Variants in SSBP2 observed in about 807,000 individuals in gnomAD.
The protein encoded by SSBP2 is single stranded DNA binding protein 2, also known as single-stranded DNA-binding protein 2.
SSBP2 carries 17 observed loss-of-function variants against 61.8 expected under a neutral mutation model. The observed-to-expected ratio is 0.28, with a 90% CI of 0.19 to 0.41. The LOEUF (loss-of-function observed/expected upper bound fraction) is 0.41, where lower values mean the gene tolerates loss of function less well. Ranked by LOEUF, SSBP2 falls within the 10% of genes least tolerant of loss-of-function variation. SSBP2 has a pLI of 1.00. For missense variants in SSBP2, 310 were observed against 458.7 expected (o/e 0.68, Z 2.96); for synonymous variants, 139 against 141.3 (o/e 0.98, Z 0.12).
At chr5:81,482,142 C>T (rs1354084462) in intron 6 of SSBP2, among the ~76,000 whole-genome samples, 1 of 152,032 alleles carries the variant, frequency 6.6e-6, no homozygotes, top group Non-Finnish European at 1.5e-5. Context: ...TGGGGTTTCA[C>T]CATGTTGGCC....
intron 4 of SSBP2, among the ~76,000 whole-genome samples, chr5:81,597,130 G>C (rs941186472): frequency 1.4e-4 from 22 of 152,080 alleles, no homozygotes; most frequent in African/African-American, 3.4e-4. Context: ...GGGCTAATAT[G>C]CAGAATCTAC....
At chr5:81,682,813 T>C (rs1406913508) in intron 1 of SSBP2, among the ~76,000 whole-genome samples, 3 of 152,082 alleles carry the variant, frequency 2.0e-5, no homozygotes, top group South Asian at 2.1e-4. Context: ...TAAACAATTA[T>C]AGTAAGTTTG....
At chr5:81,581,346 G>C (rs1414578388) in intron 4 of SSBP2, among the ~76,000 whole-genome samples, 2 of 152,162 alleles carry the variant, frequency 1.3e-5, no homozygotes, top group East Asian at 3.9e-4. Context: ...ATGTAGAATG[G>C]AGGTGTTTGA....
intron 4 of SSBP2, among the ~76,000 whole-genome samples, chr5:81,548,976 A>G (rs1355778022): frequency 6.6e-6 from 1 of 152,216 alleles, no homozygotes; most frequent in Non-Finnish European, 1.5e-5. Context: ...CTGAAATTTT[A>G]TACATATTTA....
chr5:81,546,220 A>G (rs1038388626), intron 4 of SSBP2, among the ~76,000 whole-genome samples: 1 of 152,218 alleles, frequency 6.6e-6, no homozygotes, highest in African/African-American at 2.4e-5. Context: ...GCTATGCCAC[A>G]CATAACTTTA....
At chr5:81,599,550 T>G (rs1744137035) in intron 4 of SSBP2, among the ~76,000 whole-genome samples, 1 of 152,216 alleles carries the variant, frequency 6.6e-6, no homozygotes. Flanking sequence ...TGATTGAGAT[T>G]GATTTTCCTT....
intron 10 of SSBP2, among the ~76,000 whole-genome samples, chr5:81,456,335 G>T (rs1165891625): frequency 6.9e-6 from 1 of 144,274 alleles, no homozygotes; most frequent in African/African-American, 2.5e-5. Context: ...ATTTTCTTTA[G>T]TAAACTATTT....
chr5:81,616,832 G>A (rs1259319021), intron 3 of SSBP2, among the ~76,000 whole-genome samples: 1 of 152,134 alleles, frequency 6.6e-6, no homozygotes, highest in African/African-American at 2.4e-5. Context: ...GCACCCCCCA[G>A]CAGGGGCAGA....
At position 81,611,865 on chromosome 5, in the gene SSBP2, C is replaced by G. The variant is rs531371816; in HGVS notation, c.282+3608G>C. ...TATTTCTTCATGGATTTCAGAAATC[C>G]ATATCTATGTAAAATTCTAGTCTTA... is the stretch of plus-strand genomic sequence containing the variant. On this transcript the variant is annotated intron_variant, in intron 4 of 16. Coordinates refer to ENST00000320672, the MANE Select transcript of SSBP2 (RefSeq NM_012446.5). Among the ~76,000 whole-genome samples the G allele has an allele frequency of 3.7e-4, 56 of 151,994 alleles. No individual in the cohort carries two copies. In the South Asian group the frequency reaches 0.012, roughly 32 times the overall value.
At chr5:81,723,912 T>C (rs1755706324) in intron 1 of SSBP2, among the ~76,000 whole-genome samples, 1 of 151,974 alleles carries the variant, frequency 6.6e-6, no homozygotes, top group Non-Finnish European at 1.5e-5. Flanking sequence ...CTCACTTCTC[T>C]ATCTTCTGTC....
intron 1 of SSBP2, among the ~76,000 whole-genome samples, chr5:81,682,821 T>C (rs1164066798): frequency 2.0e-5 from 3 of 152,120 alleles, no homozygotes; most frequent in Admixed American, 2.0e-4. Flanking sequence ...TATAGTAAGT[T>C]TGCAGAACAC....
intron 8 of SSBP2, among the ~76,000 whole-genome samples, chr5:81,472,524 G>T (rs1765315917): frequency 6.6e-6 from 1 of 152,136 alleles, no homozygotes; most frequent in Non-Finnish European, 1.5e-5. Context: ...AATTGTCAAT[G>T]ACAGTCTTTA....
At chr5:81,443,331 C>T (rs1277061749) in intron 12 of SSBP2, 1 of 152,050 alleles carries the variant, frequency 6.6e-6, no homozygotes, top group African/African-American at 2.4e-5. Context: ...ATAAAAATAT[C>T]TGTACTGCAT....
At chr5:81,455,576 G>A (rs531395922) in intron 10 of SSBP2, among the ~76,000 whole-genome samples, 2 of 100,122 alleles carry the variant, frequency 2.0e-5, no homozygotes, top group South Asian at 6.3e-4. Context: ...CCGAGATTGC[G>A]CCACTGCAGT....
chr5:81,686,494 T>C (rs1041164051), intron 1 of SSBP2, among the ~76,000 whole-genome samples: 5 of 152,162 alleles, frequency 3.3e-5, no homozygotes, highest in Admixed American at 2.0e-4. Flanking sequence ...TATAGTTTCA[T>C]AGGACATAGT....
chr5:81,653,997 T>TA (rs1749992064), intron 1 of SSBP2, among the ~76,000 whole-genome samples: 1 of 126,626 alleles, frequency 7.9e-6, no homozygotes, highest in South Asian at 2.7e-4. Flanking sequence ...TTTTTTGTTT[T>TA]GTTTTTTTTT....
At chr5:81,631,790 A>G (rs926671374) in intron 3 of SSBP2, among the ~76,000 whole-genome samples, 3 of 152,216 alleles carry the variant, frequency 2.0e-5, no homozygotes, top group Admixed American at 2.0e-4. Context: ...AGGAAAAAGA[A>G]AAGCTATCAG....
At chr5:81,612,756 TA>T (rs1321749312) in intron 4 of SSBP2, among the ~76,000 whole-genome samples, 1 of 152,062 alleles carries the variant, frequency 6.6e-6, no homozygotes, top group African/African-American at 2.4e-5. Flanking sequence ...TACTTTATTT[TA>T]AATTATTAAA....
chr5:81,516,634 C>T (rs889656472), intron 4 of SSBP2, among the ~76,000 whole-genome samples: 1 of 151,932 alleles, frequency 6.6e-6, no homozygotes, highest in Non-Finnish European at 1.5e-5. Flanking sequence ...CCATTTGGTA[C>T]CCTATGCTGA....
Sources: gnomAD v4.1 joint callset for allele counts (sites outside exome capture counted in the v4.1 genomes callset) on GRCh38, gnomAD v4.1.1 for gene constraint, MANE v1.5 for transcripts, NCBI Gene and HGNC (gene_info 2026-07-23, HGNC 2026-07-21) for gene names.